The following TENM3 variants were observed in gnomAD, a reference collection of about 807,000 sequenced individuals.
TENM3 encodes the protein teneurin-3.
Under a neutral mutation model 255.1 loss-of-function variants are expected in TENM3, and 63 were observed. That is an observed-to-expected ratio of 0.25 (90% confidence interval 0.20 to 0.30). TENM3 has a LOEUF of 0.30. Ranked by LOEUF, TENM3 falls within the 10% of genes least tolerant of loss-of-function variation. The probability of loss-of-function intolerance (pLI) is 1.00; values close to 1 mark genes in which losing one functional copy is unlikely to be tolerated. For synonymous variants in TENM3, 1,306 were observed against 1,322.3 expected (o/e 0.99, Z 0.27); for missense variants, 2,929 against 3,461.1 (o/e 0.85, Z 3.86).
the TENM3 span, among the ~76,000 whole-genome samples, chr4:182,045,058 T>C: frequency 6.6e-6 from 1 of 152,204 alleles, no homozygotes; most frequent in Non-Finnish European, 1.5e-5. Context: ...TGACTTTTCA[T>C]CTGGATGTTT....
At chr4:181,744,224 G>C in the TENM3 span, among the ~76,000 whole-genome samples, 314 of 152,268 alleles carry the variant, frequency 2.1e-3, 1 homozygote, top group Non-Finnish European at 3.5e-3. Context: ...CAGTCCATTA[G>C]TGATGGGCAT....
the TENM3 span, among the ~76,000 whole-genome samples, chr4:181,664,956 T>C: frequency 6.6e-6 from 1 of 152,204 alleles, no homozygotes; most frequent in Non-Finnish European, 1.5e-5. Flanking sequence ...TTCTCACTAG[T>C]AGGTAACATT....
chr4:181,582,683 A>AAAG, the TENM3 span, among the ~76,000 whole-genome samples: 6 of 146,798 alleles, frequency 4.1e-5, no homozygotes, highest in East Asian at 2.0e-4. Flanking sequence ...AAAAAAAAAA[A>AAAG]AAAGAAAGAA....
the TENM3 span, among the ~76,000 whole-genome samples, chr4:181,850,994 AT>A: frequency 6.8e-6 from 1 of 146,866 alleles, no homozygotes; most frequent in African/African-American, 2.5e-5. Flanking sequence ...GACAGACGGG[AT>A]AAAGCTGGGA....
chr4:182,697,169 G>A (rs747008787), intron 12 of TENM3, among the ~76,000 whole-genome samples: 1 of 152,156 alleles, frequency 6.6e-6, no homozygotes, highest in Non-Finnish European at 1.5e-5. Flanking sequence ...CAAACTGACT[G>A]TGACTAATTC....
intron 3 of TENM3, among the ~76,000 whole-genome samples, chr4:182,390,441 C>T (rs1451326176): frequency 3.3e-5 from 5 of 152,174 alleles, no homozygotes; most frequent in African/African-American, 9.7e-5. Context: ...CCTCTGAGAG[C>T]TCTTGTTGGT....
At chr4:181,549,905 A>C in the TENM3 span, among the ~76,000 whole-genome samples, 1 of 151,866 alleles carries the variant, frequency 6.6e-6, no homozygotes, top group Non-Finnish European at 1.5e-5. Flanking sequence ...TACACCTAAT[A>C]CCCAAATGTG....
At position 182,473,359 on chromosome 4, in the gene TENM3, C is replaced by T. The variant is rs146982317; in HGVS notation, c.511+126430C>T. On this transcript the variant is annotated intron_variant, in intron 3 of 27. Coordinates refer to ENST00000511685, the MANE Select transcript of TENM3 (RefSeq NM_001080477.4). ...CACTTGATCCAAAACCAAACATGTA[C>T]GCTCTAATAAAAAATTATTGTTTAT... Among the ~76,000 whole-genome samples the T allele has an allele frequency of 9.6e-3, 1,464 of 152,272 alleles. 10 individuals are homozygous for T. The highest frequency in any genetic ancestry group is 0.027 in the Middle Eastern group (8 of 294).
the TENM3 span, among the ~76,000 whole-genome samples, chr4:181,678,720 T>C: frequency 3.3e-5 from 5 of 151,972 alleles, no homozygotes; most frequent in African/African-American, 1.2e-4. Context: ...TCTATATATA[T>C]ATACTTTTGC....
intron 3 of TENM3, among the ~76,000 whole-genome samples, chr4:182,402,408 T>G (rs1374133705): frequency 6.6e-6 from 1 of 152,124 alleles, no homozygotes; most frequent in East Asian, 1.9e-4. Context: ...GCTGTTACAG[T>G]AAAAACAAGG....
the TENM3 span, among the ~76,000 whole-genome samples, chr4:181,759,098 A>G: frequency 6.6e-6 from 1 of 152,162 alleles, no homozygotes; most frequent in Admixed American, 6.6e-5. Context: ...GTTGCCTCAC[A>G]TAATTTTCCT....
chr4:182,304,536 T>G (rs1194946004), intron 1 of TENM3, among the ~76,000 whole-genome samples: 1 of 152,040 alleles, frequency 6.6e-6, no homozygotes, highest in African/African-American at 2.4e-5. Context: ...TAATTAAAAT[T>G]GGCTGTATTG....
the TENM3 span, among the ~76,000 whole-genome samples, chr4:181,887,359 C>T: frequency 6.6e-6 from 1 of 152,054 alleles, no homozygotes; most frequent in African/African-American, 2.4e-5. Context: ...TAATGATAGA[C>T]TTGACAAAAT....
At chr4:181,734,416 A>C in the TENM3 span, among the ~76,000 whole-genome samples, 1 of 152,068 alleles carries the variant, frequency 6.6e-6, no homozygotes, top group South Asian at 2.1e-4. Flanking sequence ...ATCAAGCCTC[A>C]TTTTCACCCC....
chr4:181,527,445 T>G, the TENM3 span, among the ~76,000 whole-genome samples: 1 of 152,120 alleles, frequency 6.6e-6, no homozygotes, highest in Non-Finnish European at 1.5e-5. Context: ...CTCGGCTCTC[T>G]GCAACCTCTG....
intron 5 of TENM3, among the ~76,000 whole-genome samples, chr4:182,629,952 G>T (rs1751202648): frequency 6.6e-6 from 1 of 152,174 alleles, no homozygotes; most frequent in Non-Finnish European, 1.5e-5. Flanking sequence ...ATTGAGTCAG[G>T]AATGGCAACT....
At chr4:182,041,160 C>A in the TENM3 span, among the ~76,000 whole-genome samples, 1 of 152,236 alleles carries the variant, frequency 6.6e-6, no homozygotes, top group African/African-American at 2.4e-5. Context: ...TAAAGATAGT[C>A]TATTCCAGGC....
intron 3 of TENM3, among the ~76,000 whole-genome samples, chr4:182,546,166 A>G (rs1741426694): frequency 6.6e-6 from 1 of 152,170 alleles, no homozygotes; most frequent in Non-Finnish European, 1.5e-5. Flanking sequence ...AGGAGAGGGA[A>G]CAGGAAGGGT....
intron 3 of TENM3, among the ~76,000 whole-genome samples, chr4:182,416,852 G>C (rs1456570756): frequency 6.6e-6 from 1 of 152,168 alleles, no homozygotes; most frequent in Non-Finnish European, 1.5e-5. Flanking sequence ...CCATCGGAGA[G>C]GCACACGTTG....
Sources: allele counts gnomAD v4.1 joint callset (sites outside exome capture counted in the v4.1 genomes callset), GRCh38; gene constraint gnomAD v4.1.1; transcripts MANE v1.5; gene names NCBI Gene and HGNC (gene_info 2026-07-23, HGNC 2026-07-21).